The following FSTL5 variants were observed in gnomAD, a reference collection of about 807,000 sequenced individuals.
FSTL5 encodes follistatin like 5.
In FSTL5, 62 loss-of-function variants were observed where a neutral mutation model predicts 89.1. The ratio of observed to expected loss-of-function variants is 0.70; its 90% CI spans 0.57 to 0.86. FSTL5 has a LOEUF of 0.86. Ranked by LOEUF, FSTL5 falls within the 40% of genes least tolerant of loss-of-function variation. The probability of loss-of-function intolerance (pLI) is 0.00; values close to 1 mark genes in which losing one functional copy is unlikely to be tolerated. For missense variants in FSTL5, 1,057 were observed against 1,001.6 expected, an observed-to-expected ratio of 1.06 and a Z score of -0.75; for synonymous variants, 383 against 346.2, an observed-to-expected ratio of 1.11 and a Z score of -1.18.
At chr4:161,490,816 G>T (rs576496034) in intron 12 of FSTL5, among the ~76,000 whole-genome samples, 4 of 151,894 alleles carry the variant, frequency 2.6e-5, no homozygotes, top group African/African-American at 4.8e-5. Flanking sequence ...AAAGAGCTTC[G>T]CATTTGATTT....
intron 3 of FSTL5, among the ~76,000 whole-genome samples, chr4:162,022,449 T>C (rs1374255109): frequency 6.6e-6 from 1 of 152,062 alleles, no homozygotes; most frequent in Non-Finnish European, 1.5e-5. Flanking sequence ...AAAATTATAA[T>C]AGATAATAAT....
chr4:161,415,537 G>T (rs898134755), intron 15 of FSTL5, among the ~76,000 whole-genome samples: 1 of 152,174 alleles, frequency 6.6e-6, no homozygotes, highest in East Asian at 1.9e-4. Flanking sequence ...TTTCAGGCGT[G>T]AGTCACCACG....
chr4:162,154,304 T>A (rs1579069722), intron 1 of FSTL5, among the ~76,000 whole-genome samples: 1 of 152,310 alleles, frequency 6.6e-6, no homozygotes, highest in African/African-American at 2.4e-5. Flanking sequence ...AATAATTTAC[T>A]AATCTTTAGA....
chr4:162,115,592 C>T (rs1731606282), intron 1 of FSTL5, among the ~76,000 whole-genome samples: 1 of 151,898 alleles, frequency 6.6e-6, no homozygotes, highest in South Asian at 2.1e-4. Flanking sequence ...TGTGACTTTT[C>T]CTTGTAACCT....
At chr4:161,988,626 T>C (rs1736028415) in intron 3 of FSTL5, among the ~76,000 whole-genome samples, 2 of 152,122 alleles carry the variant, frequency 1.3e-5, no homozygotes, top group African/African-American at 4.8e-5. Context: ...ATCAGAAATA[T>C]GATAAAAATT....
intron 2 of FSTL5, among the ~76,000 whole-genome samples, chr4:162,105,019 T>C (rs1731164185): frequency 6.6e-6 from 1 of 152,174 alleles, no homozygotes. Flanking sequence ...CTATGGGTAA[T>C]CCAGGTAGAG....
At chr4:161,889,473 A>T (rs938817262) in intron 4 of FSTL5, among the ~76,000 whole-genome samples, 1 of 151,990 alleles carries the variant, frequency 6.6e-6, no homozygotes, top group African/African-American at 2.4e-5. Flanking sequence ...GTGAAATCCC[A>T]TCTCTACTAA....
chr4:161,936,134 C>A (rs1205527228), intron 3 of FSTL5, among the ~76,000 whole-genome samples: 3 of 152,124 alleles, frequency 2.0e-5, no homozygotes, highest in South Asian at 2.1e-4. Flanking sequence ...CAGCTGAGAT[C>A]AACTATTTTA....
chr4:162,113,962 C>T (rs1264748817), intron 1 of FSTL5, among the ~76,000 whole-genome samples: 1 of 152,088 alleles, frequency 6.6e-6, no homozygotes, highest in East Asian at 1.9e-4. Flanking sequence ...AAATTGTTTG[C>T]TTTTATTTTT....
intron 13 of FSTL5, among the ~76,000 whole-genome samples, chr4:161,471,670 T>G (rs1182839319): frequency 1.3e-5 from 2 of 152,214 alleles, no homozygotes; most frequent in Non-Finnish European, 2.9e-5. Context: ...AGCAGTGACA[T>G]CATCAGATTT....
intron 6 of FSTL5, among the ~76,000 whole-genome samples, chr4:161,670,193 C>T (rs1006511048): frequency 6.6e-6 from 1 of 152,110 alleles, no homozygotes; most frequent in East Asian, 1.9e-4. Context: ...ATTGCATATA[C>T]ATATGAAGGA....
intron 6 of FSTL5, among the ~76,000 whole-genome samples, chr4:161,750,038 A>G (rs901762325): frequency 4.6e-5 from 7 of 152,098 alleles, no homozygotes; most frequent in Admixed American, 1.3e-4. Flanking sequence ...AACTCTTTCT[A>G]AAGTAAATAT....
intron 7 of FSTL5, among the ~76,000 whole-genome samples, chr4:161,625,858 TAGAG>T (rs1735299044): frequency 1.3e-5 from 2 of 152,136 alleles, no homozygotes; most frequent in African/African-American, 4.8e-5. Flanking sequence ...ATTGATGATA[TAGAG>T]AAAGTTTGAG....
intron 3 of FSTL5, among the ~76,000 whole-genome samples, chr4:161,929,685 G>GTGTGTA (rs58074061): frequency 1.3e-5 from 2 of 149,206 alleles, no homozygotes; most frequent in South Asian, 2.1e-4. Context: ...GTGTGTGTGT[G>GTGTGTA]TGTGTGTGTG....
intron 3 of FSTL5, among the ~76,000 whole-genome samples, chr4:161,927,206 T>C (rs1734151311): frequency 6.6e-6 from 1 of 151,704 alleles, no homozygotes; most frequent in African/African-American, 2.4e-5. Context: ...TATTTTATTT[T>C]ATATAAATCT....
chr4:162,153,744 T>G (rs201562317), intron 1 of FSTL5, among the ~76,000 whole-genome samples: 2 of 36,308 alleles, frequency 5.5e-5, no homozygotes, highest in African/African-American at 7.5e-5. Context: ...ATGTATATAA[T>G]AATATACATG....
chr4:162,051,879 G>C (rs1337796725), intron 2 of FSTL5, among the ~76,000 whole-genome samples: 2 of 151,254 alleles, frequency 1.3e-5, no homozygotes, highest in Admixed American at 6.6e-5. Flanking sequence ...AAAGGTTATA[G>C]AATAGAAACT....
chr4:161,554,710 T>A (rs72685758), intron 8 of FSTL5, among the ~76,000 whole-genome samples: 11,362 of 151,714 alleles, frequency 0.075, 539 homozygotes, highest in Middle Eastern at 0.17. Context: ...CTATCATGGC[T>A]CTTCCACAAA....
chr4:162,064,996 G>T (rs1366548136), intron 2 of FSTL5, among the ~76,000 whole-genome samples: 1 of 151,854 alleles, frequency 6.6e-6, no homozygotes, highest in Non-Finnish European at 1.5e-5. Context: ...ATGAATACAC[G>T]ATTGGGAAAG....
Sources: allele counts gnomAD v4.1 joint callset (sites outside exome capture counted in the v4.1 genomes callset), GRCh38; gene constraint gnomAD v4.1.1; transcripts MANE v1.5; gene names NCBI Gene and HGNC (gene_info 2026-07-23, HGNC 2026-07-21).